NRXN1: variants seen among roughly 807,000 people sequenced by gnomAD.
The protein encoded by NRXN1 is neurexin 1.
A neutral mutation model predicts 150.9 loss-of-function variants in NRXN1; 39 were observed. The ratio of observed to expected loss-of-function variants is 0.26; its 90% CI spans 0.20 to 0.34. The LOEUF (loss-of-function observed/expected upper bound fraction) is 0.34, where lower values mean the gene tolerates loss of function less well. Ranked by LOEUF, NRXN1 falls within the 10% of genes least tolerant of loss-of-function variation. The pLI is 1.00. For missense variants in NRXN1, 1,815 were observed against 1,949.9 expected (o/e 0.93, Z 1.30); for synonymous variants, 924 against 757.0 (o/e 1.22, Z -3.62).
intron 18 of NRXN1, among the ~76,000 whole-genome samples, chr2:50,184,911 CAG>C (rs1429908660): frequency 1.3e-5 from 2 of 152,098 alleles, no homozygotes; most frequent in African/African-American, 4.8e-5. Context: ...TAGTAAGTGA[CAG>C]AGGTAGGATT....
At chr2:50,922,775 G>T in intron 3 of NRXN1, 88 bp from the exon 4 acceptor site, 2 of 1,264,090 alleles carry the variant, frequency 1.6e-6, no homozygotes, top group Non-Finnish European at 2.3e-6. Flanking sequence ...TTCAGTGACA[G>T]ACATCTCTTT....
chr2:49,974,734 A>AT (rs2152500031), intron 21 of NRXN1, among the ~76,000 whole-genome samples: 1 of 148,698 alleles, frequency 6.7e-6, no homozygotes, highest in South Asian at 2.1e-4. Context: ...ATTATGCAAC[A>AT]TTAAGAAATA....
At chr2:51,009,669 C>A (rs992766715) in intron 2 of NRXN1, among the ~76,000 whole-genome samples, 1 of 151,694 alleles carries the variant, frequency 6.6e-6, no homozygotes, top group Non-Finnish European at 1.5e-5. Flanking sequence ...TTTTCATTAG[C>A]GAAAGGAGGC....
chr2:51,024,564 T>C (rs916693652), intron 2 of NRXN1, among the ~76,000 whole-genome samples: 3 of 152,148 alleles, frequency 2.0e-5, no homozygotes, highest in Non-Finnish European at 4.4e-5. Flanking sequence ...TAAAACTTGC[T>C]AGGCTCAAAC....
intron 5 of NRXN1, among the ~76,000 whole-genome samples, chr2:50,680,185 T>C (rs1690170428): frequency 6.6e-6 from 1 of 152,088 alleles, no homozygotes; most frequent in Non-Finnish European, 1.5e-5. Context: ...ATTACATCTA[T>C]TACTTTTTTT....
intron 3 of NRXN1, among the ~76,000 whole-genome samples, chr2:50,924,498 T>C (rs1468849854): frequency 6.6e-6 from 1 of 151,594 alleles, no homozygotes; most frequent in Non-Finnish European, 1.5e-5. Context: ...TTTCACAGGA[T>C]GGATAAGGAA....
chr2:50,401,613 G>A (rs1031585304), intron 17 of NRXN1, among the ~76,000 whole-genome samples: 5 of 151,994 alleles, frequency 3.3e-5, no homozygotes, highest in Admixed American at 1.3e-4. Context: ...TACGTGAGAC[G>A]TCTTTAATTG....
chr2:50,784,908 T>C (rs1004336607), intron 5 of NRXN1, among the ~76,000 whole-genome samples: 11 of 152,106 alleles, frequency 7.2e-5, no homozygotes, highest in South Asian at 6.2e-4. Context: ...GTGAGGGTTA[T>C]AGATACGAAT....
chr2:50,634,432 T>C (rs1357302151), intron 5 of NRXN1, among the ~76,000 whole-genome samples: 2 of 152,196 alleles, frequency 1.3e-5, no homozygotes, highest in Non-Finnish European at 2.9e-5. Flanking sequence ...CTAGGATCTA[T>C]TTTATAGGGT....
intron 22 of NRXN1, among the ~76,000 whole-genome samples, chr2:49,940,427 T>C (rs1239955025): frequency 6.6e-6 from 1 of 152,168 alleles, no homozygotes; most frequent in African/African-American, 2.4e-5. Flanking sequence ...GCTACAATTA[T>C]TGTTATATTA....
At chr2:50,569,676 C>G (rs1208829052) in intron 8 of NRXN1, among the ~76,000 whole-genome samples, 1 of 152,042 alleles carries the variant, frequency 6.6e-6, no homozygotes, top group East Asian at 1.9e-4. Flanking sequence ...AGAAACTAGA[C>G]TAAATACCTA....
chr2:50,353,041 T>A (rs2078539486), intron 17 of NRXN1, among the ~76,000 whole-genome samples: 1 of 151,976 alleles, frequency 6.6e-6, no homozygotes, highest in East Asian at 1.9e-4. Flanking sequence ...GTGCTGGGGA[T>A]CAAGATGAGC....
intron 2 of NRXN1, among the ~76,000 whole-genome samples, chr2:50,946,126 T>C (rs1189091116): frequency 6.6e-5 from 10 of 151,842 alleles, no homozygotes; most frequent in African/African-American, 1.9e-4. Context: ...GGGGCTGCCA[T>C]GTTAAGGAAG....
chr2:51,027,756 G>A lies in NRXN1; in HGVS notation c.518C>T (p.Ser173Leu), dbSNP rs775907305. The part of the protein sequence containing the change: ...RAAALKLTLA[S>L]VREREPFKGW... Reference sequence around the variant, plus strand: ...CTTGAAGGGCTCCCGCTCCCTCACCGAGGCCAGGGTGAGCTTGAGCGCCGC... The same window carrying A: ...CTTGAAGGGCTCCCGCTCCCTCACCAAGGCCAGGGTGAGCTTGAGCGCCGC... The change falls in exon 2 of 23, where the codon TCG (serine) becomes TTG (leucine). Residue 173 changes from serine (S) to leucine (L), a missense_variant. Physicochemically the swap from Ser to Leu is moderately radical, Grantham distance 145 (BLOSUM62 -2). Coordinates refer to ENST00000401669, the MANE Select transcript of NRXN1 (RefSeq NM_001330078.2). 9.9e-6 allele frequency: 16 copies of A among 1,612,112 alleles called. No individual in the cohort carries two copies. In the Admixed American group the frequency reaches 1.7e-4, roughly 17 times the overall value.
intron 21 of NRXN1, among the ~76,000 whole-genome samples, chr2:50,008,175 T>C (rs1685078314): frequency 6.6e-6 from 1 of 152,164 alleles, no homozygotes; most frequent in South Asian, 2.1e-4. Context: ...TTCAATGTTT[T>C]AAATAGCATT....
intron 5 of NRXN1, among the ~76,000 whole-genome samples, chr2:50,881,323 C>A (rs1457790391): frequency 6.6e-6 from 1 of 151,834 alleles, no homozygotes; most frequent in Admixed American, 6.6e-5. Flanking sequence ...TACTTTGTTG[C>A]AATATATACA....
chr2:50,747,021 T>A (rs1700102492), intron 5 of NRXN1, among the ~76,000 whole-genome samples: 1 of 152,094 alleles, frequency 6.6e-6, no homozygotes, highest in South Asian at 2.1e-4. Context: ...CTCTAAGAAG[T>A]ATATTTAAAT....
At chr2:50,791,141 A>T (rs1177222732) in intron 5 of NRXN1, among the ~76,000 whole-genome samples, 1 of 150,728 alleles carries the variant, frequency 6.6e-6, no homozygotes. Context: ...TTTTTTTAAA[A>T]AAAAAGACTG....
chr2:49,934,381 G>C (rs895911866), intron 22 of NRXN1, among the ~76,000 whole-genome samples: 8 of 152,114 alleles, frequency 5.3e-5, no homozygotes, highest in African/African-American at 1.9e-4. Context: ...CCTCCACCAG[G>C]GTGCCCGCAC....
Sources: allele counts gnomAD v4.1 joint callset (sites outside exome capture counted in the v4.1 genomes callset), GRCh38; gene constraint gnomAD v4.1.1; transcripts MANE v1.5; gene names NCBI Gene and HGNC (gene_info 2026-07-23, HGNC 2026-07-21).